Variants in PPFIBP2 observed in about 807,000 individuals in gnomAD.
PPFIBP2 encodes PPFIB scaffold protein 2.
In PPFIBP2, 118 loss-of-function variants were observed where a neutral mutation model predicts 118.3. The ratio of observed to expected loss-of-function variants is 1.00; its 90% confidence interval spans 0.86 to 1.16. PPFIBP2 has a LOEUF of 1.16. Among genes scored for constraint, PPFIBP2 ranks in the 50% most tolerant of loss-of-function variants. The pLI, the probability that PPFIBP2 is intolerant of heterozygous loss-of-function variation, is 0.00. For missense variants in PPFIBP2, 1,195 were observed against 1,073.1 expected, an observed-to-expected ratio of 1.11 and a Z score of -1.59; for synonymous variants, 414 against 397.4, an observed-to-expected ratio of 1.04 and a Z score of -0.50.
chr11:7,628,262 T>C (rs549038260), intron 8 of PPFIBP2, 23 bp from the exon 9 acceptor site: 3 of 1,599,992 alleles, frequency 1.9e-6, no homozygotes, highest in Non-Finnish European at 2.6e-6. Flanking sequence ...TAAATAATTA[T>C]TTCTATACCT....
intron 1 of PPFIBP2, among the ~76,000 whole-genome samples, chr11:7,549,045 C>T (rs1271839702): frequency 6.6e-6 from 1 of 152,226 alleles, no homozygotes; most frequent in Non-Finnish European, 1.5e-5. Flanking sequence ...GCTGCATTGC[C>T]TTGTACGCCC....
At chr11:7,659,390 A>C (rs1854842477), downstream of PPFIBP2, among the ~76,000 whole-genome samples, 6 of 143,734 alleles carry the variant, frequency 4.2e-5, no homozygotes, top group Non-Finnish European at 7.7e-5. Context: ...AGCACCATTT[A>C]TTAAATAGGG....
chr11:7,632,779 A>G, intron 11 of PPFIBP2, 88 bp from the exon 12 acceptor site: 1 of 1,052,848 alleles, frequency 9.5e-7, no homozygotes, highest in Non-Finnish European at 1.5e-6. Flanking sequence ...ATGTCTCCCT[A>G]AAAGGAATCA....
chr11:7,584,812 T>C (rs1049041257), intron 3 of PPFIBP2, among the ~76,000 whole-genome samples: 1 of 152,188 alleles, frequency 6.6e-6, no homozygotes, highest in Non-Finnish European at 1.5e-5. Context: ...TGCATGTGAG[T>C]GGTGCTTCTG....
chr11:7,591,098 ACTTTCTTACT>A (rs1859200169), intron 3 of PPFIBP2, among the ~76,000 whole-genome samples: 1 of 136,572 alleles, frequency 7.3e-6, no homozygotes, highest in Non-Finnish European at 1.6e-5. Context: ...TATGATTTCA[ACTTTCTTACT>A]CTTTTTTTTG....
chr11:7,551,957 G>C (rs539705384), intron 2 of PPFIBP2, among the ~76,000 whole-genome samples: 5 of 152,200 alleles, frequency 3.3e-5, no homozygotes, highest in African/African-American at 4.8e-5. Context: ...AAACCCAGGA[G>C]ACCTAATCTT....
At chr11:7,651,466 A>C in intron 22 of PPFIBP2, 190 bp from the exon 23 acceptor site, 4 of 531,802 alleles carry the variant, frequency 7.5e-6, no homozygotes, top group Non-Finnish European at 1.3e-5. Flanking sequence ...CAGTCAGCAC[A>C]TGTGCTAGTA....
rs1009459435 is a variant in PPFIBP2 at position 7,651,148 on chromosome 11, G to A, written c.2247+183G>A. ...TCCTTGAGAATTAATATACCTCATG[G>A]AAGCAAGATGCCTTCTGGCAGCACC... On this transcript the variant is annotated intron_variant, in intron 22 of 23. Coordinates refer to ENST00000299492, the MANE Select transcript of PPFIBP2 (RefSeq NM_003621.5). 4.0e-5 allele frequency: 23 copies of A among 577,034 alleles called. No homozygotes were observed. In the African/African-American group the frequency reaches 4.1e-4, roughly 10 times the overall value. 35.7% of individuals were successfully genotyped at this position (577,034 alleles called of 1,614,324 possible). A position where few individuals can be genotyped will look rare whatever the true frequency, so the allele number is the denominator to read the frequency against.
Position 7,653,116 on chromosome 11 carries a change from C to A in PPFIBP2, c.2529C>A (p.Asp843Glu), listed in dbSNP as rs201657784. ...TDYICPMEPS[D>E]GVSDSHRVYS... ...ACATTTGCCCAATGGAGCCCAGTGA[C>A]GGTGTCAGTGATAGTCACAGGGTCT... The change falls in exon 24 of 24, where the codon GAC becomes GAA. Residue 843 changes from aspartate to glutamate, a missense_variant. Asp to Glu is a conservative substitution (Grantham distance 45). Coordinates refer to ENST00000299492, the MANE Select transcript of PPFIBP2 (RefSeq NM_003621.5). 6.2e-7 allele frequency: 1 copy of A among 1,614,236 alleles called. No homozygotes were observed. Among genetic ancestry groups the A allele is most frequent in the Non-Finnish European group, 8.5e-7 (1 of 1,180,022 alleles).
chr11:7,562,073 A>T (rs1039522566), intron 2 of PPFIBP2, among the ~76,000 whole-genome samples: 1 of 152,232 alleles, frequency 6.6e-6, no homozygotes, highest in Non-Finnish European at 1.5e-5. Flanking sequence ...TCGCATGCAC[A>T]GTTCACAATA....
intron 1 of PPFIBP2, among the ~76,000 whole-genome samples, chr11:7,524,536 G>C (rs961335300): frequency 6.6e-6 from 1 of 152,162 alleles, no homozygotes; most frequent in African/African-American, 2.4e-5. Flanking sequence ...GGAAACAGGT[G>C]CCAGAGAAGT....
intron 1 of PPFIBP2, among the ~76,000 whole-genome samples, chr11:7,524,205 A>G (rs1850022156): frequency 6.6e-6 from 1 of 151,948 alleles, no homozygotes. Context: ...GGGGACAGAG[A>G]GGGGGTAGAG....
the PPFIBP2 span, chr11:7,665,982 C>G: frequency 2.8e-6 from 4 of 1,415,064 alleles, no homozygotes; most frequent in Non-Finnish European, 3.9e-6. Context: ...GTGAGAGGCG[C>G]GCCTGTGGGG....
downstream of PPFIBP2, among the ~76,000 whole-genome samples, chr11:7,656,447 C>A (rs987314890): frequency 3.3e-5 from 5 of 152,182 alleles, no homozygotes; most frequent in African/African-American, 4.8e-5. Context: ...TATTTATTGG[C>A]CCACCCATGA....
intron 1 of PPFIBP2, among the ~76,000 whole-genome samples, chr11:7,535,742 A>G (rs1309950031): frequency 6.6e-6 from 1 of 152,022 alleles, no homozygotes; most frequent in Non-Finnish European, 1.5e-5. Context: ...GCCAGGTGTT[A>G]CTCAGGTGAG....
rs756671505 is a variant in PPFIBP2 at position 7,631,053 on chromosome 11, AG to A, written c.1068+28del. 5.2e-5 allele frequency: 82 copies of A among 1,585,246 alleles called. No homozygotes were observed. In the East Asian group the frequency reaches 7.8e-4, roughly 15 times the overall value. On this transcript the variant is annotated intron_variant, in intron 11 of 23. Transcript: ENST00000299492. ...GGTACTGTGTTTCCATCCATGACGT[AG>A]GGTTTCAGCAGGTCCTCCGAGCTTG...
At chr11:7,626,207 T>G (rs1022805845) in intron 8 of PPFIBP2, among the ~76,000 whole-genome samples, 8 of 152,204 alleles carry the variant, frequency 5.3e-5, no homozygotes, top group African/African-American at 1.9e-4. Flanking sequence ...AGGAAATACC[T>G]AACTCTTTCA....
At chr11:7,520,322 G>A (rs1380766686) in intron 1 of PPFIBP2, among the ~76,000 whole-genome samples, 4 of 152,040 alleles carry the variant, frequency 2.6e-5, no homozygotes, top group Non-Finnish European at 5.9e-5. Flanking sequence ...TCTTCCGGTT[G>A]GGGTGGGTAT....
At chr11:7,560,425 C>T (rs757134041) in intron 2 of PPFIBP2, among the ~76,000 whole-genome samples, 2 of 152,116 alleles carry the variant, frequency 1.3e-5, no homozygotes, top group African/African-American at 2.4e-5. Context: ...ATACCATATA[C>T]ATATAATTGT....
Sources: allele counts gnomAD v4.1 joint callset (sites outside exome capture counted in the v4.1 genomes callset), GRCh38; gene constraint gnomAD v4.1.1; transcripts MANE v1.5; gene names NCBI Gene and HGNC (gene_info 2026-07-23, HGNC 2026-07-21).